The following SLC35E1 variants were observed in gnomAD, a reference collection of about 807,000 sequenced individuals.
SLC35E1 encodes solute carrier family 35 member E1, also known as solute carrier family 35, member E1.
Under a neutral mutation model 31.0 loss-of-function variants are expected in SLC35E1, and 12 were observed. The ratio of observed to expected loss-of-function variants is 0.39; its 90% CI spans 0.25 to 0.63. The LOEUF is 0.63. SLC35E1 is among the 20% of genes least tolerant of loss of function. SLC35E1 has a pLI of 0.52. For synonymous variants in SLC35E1, 257 were observed against 264.1 expected (o/e 0.97, Z 0.26); for missense variants, 429 against 572.2 (o/e 0.75, Z 2.55).
chr19:16,560,867 C>CAAAAACAAAAAACCAAAAAAAAAA (rs1568272912), intron 4 of SLC35E1, among the ~76,000 whole-genome samples: 26 of 67,572 alleles, frequency 3.8e-4, no homozygotes, highest in Admixed American at 1.7e-3. Context: ...ATCTCAAAAA[C>CAAAAACAAAAAACCAAAAAAAAAA]AAAAAAAAAA....
At chr19:16,560,458 G>A (rs1055674835) in intron 4 of SLC35E1, among the ~76,000 whole-genome samples, 1 of 152,158 alleles carries the variant, frequency 6.6e-6, no homozygotes, top group African/African-American at 2.4e-5. Flanking sequence ...AGGAAGAGTC[G>A]CCCTTCTCAG....
In SLC35E1 at chr19:16,559,265, G is replaced by A. The variant is rs542134042; in HGVS notation, c.757-3868C>T. Among the ~76,000 whole-genome samples the A allele has an allele frequency of 5.3e-5, 8 of 151,870 alleles. 1 individual carries two copies. Among genetic ancestry groups the A allele is most frequent in the African/African-American group, 1.7e-4 (7 of 41,420 alleles). Reference sequence around the variant, plus strand: ...TGGGAGGCAGAGGTTGCAGTGAGCCGAGATCCCGCCACTGCACTCCAGCCT... The same window carrying A: ...TGGGAGGCAGAGGTTGCAGTGAGCCAAGATCCCGCCACTGCACTCCAGCCT... On this transcript the variant is annotated intron_variant, in intron 4 of 5. Transcript: ENST00000595753.
rs925775425 is a variant in SLC35E1, at chr19:16,550,264, G to A, written c.*3415C>T. On this transcript the variant is annotated 3_prime_UTR_variant, in exon 6 of 6. Coordinates refer to ENST00000595753, the MANE Select transcript of SLC35E1 (RefSeq NM_024881.5). ...CTCCTTCTATAAAATGAAGGAGCTGGGTTGGAGTCAGTATTACCAGCCAGA... is the reference window on the plus strand; with the variant it reads ...CTCCTTCTATAAAATGAAGGAGCTGAGTTGGAGTCAGTATTACCAGCCAGA... 6.6e-6 allele frequency: 1 copy of A among 152,224 alleles called. No individual in the cohort carries two copies. Among genetic ancestry groups the A allele is most frequent in the Admixed American group, 6.5e-5 (1 of 15,268 alleles). The allele number at this position is 152,224 out of a possible 1,614,324, so 9.4% of individuals were successfully genotyped here.
At chr19:16,560,880 C>CAAAAAAAAAAAAAAAAAAAAA (rs1491054404) in intron 4 of SLC35E1, among the ~76,000 whole-genome samples, 1 of 95,070 alleles carries the variant, frequency 1.1e-5, no homozygotes, top group Non-Finnish European at 2.3e-5. Flanking sequence ...AAAAAAAAAA[C>CAAAAAAAAAAAAAAAAAAAAA]CAAAAAAAAA....
chr19:16,554,257 C>T (rs1336224915), intron 5 of SLC35E1, among the ~76,000 whole-genome samples: 2 of 135,488 alleles, frequency 1.5e-5, no homozygotes, highest in East Asian at 2.1e-4. Flanking sequence ...CAGAGCAAGA[C>T]GCTGTCTCAG....
At chr19:16,571,914 G>A (rs1370716020) in intron 1 of SLC35E1, 30 bp downstream of exon 1, 3 of 1,524,280 alleles carry the variant, frequency 2.0e-6, no homozygotes, top group Admixed American at 2.2e-5. Flanking sequence ...GGGCCCGGCC[G>A]CCGCCCCCGA....
At position 16,551,210 on chromosome 19, in the gene SLC35E1, T is replaced by C. The variant is rs1599760595; in HGVS notation, c.*2469A>G. The C allele has an allele frequency of 6.6e-6, 1 of 152,098 alleles. No homozygotes were observed. Among genetic ancestry groups the C allele is most frequent in the African/African-American group, 2.4e-5 (1 of 41,406 alleles). The allele number at this position is 152,098 out of a possible 1,614,324, so 9.4% of individuals were successfully genotyped here. A position where few individuals can be genotyped will look rare whatever the true frequency, so the allele number is the denominator to read the frequency against. On this transcript the variant is annotated 3_prime_UTR_variant, in exon 6 of 6. Transcript: ENST00000595753. Reference sequence around the variant, plus strand: ...ACAAATAACACCCTTTGGGATTGACTCTTCACGTTTTACACAGCAATTGTC... The same window carrying C: ...ACAAATAACACCCTTTGGGATTGACCCTTCACGTTTTACACAGCAATTGTC...
At chr19:16,565,879 C>A (rs2085929973) in intron 4 of SLC35E1, 1 of 131,358 alleles carries the variant, frequency 7.6e-6, no homozygotes, top group Non-Finnish European at 1.5e-5. Context: ...GCTGGCAAGG[C>A]ACAGTGGCTC....
chr19:16,566,478 C>A (rs1559201), intron 4 of SLC35E1, 54 bp downstream of exon 4: 157,583 of 1,606,242 alleles, frequency 0.098, 10,208 homozygotes, highest in African/African-American at 0.33. Context: ...CAACAAAGCA[C>A]CTATTCTGGA....
chr19:16,565,411 T>A (rs1374214842), intron 4 of SLC35E1: 1 of 288,654 alleles, frequency 3.5e-6, no homozygotes, highest in Non-Finnish European at 6.9e-6. Context: ...GATTTCACCA[T>A]ATTGGTCAGG....
chr19:16,560,894 A>AAAAAAAAAACCAAAAGAAAAAAAC (rs1282867880), intron 4 of SLC35E1, among the ~76,000 whole-genome samples: 1,487 of 143,430 alleles, frequency 0.01, 40 homozygotes, highest in Admixed American at 0.031. Flanking sequence ...AAAAAAAAAA[A>AAAAAAAAAACCAAAAGAAAAAAAC]AAAAAAGAGA....
Position 16,572,230 on chromosome 19 carries a change from G to T in SLC35E1, c.135C>A (p.Asn45Lys). The T allele has an allele frequency of 6.6e-7, 1 of 1,525,032 alleles. No individual in the cohort carries two copies. The highest frequency in any genetic ancestry group is 8.8e-7 in the Non-Finnish European group (1 of 1,135,400). The allele number at this position is 1,525,032 out of a possible 1,614,324, so 94.5% of individuals were successfully genotyped here. ...CGCTCAGGATCACCTTGTTGACCAC[G>T]TTGCCGCCCGCGCTCAGCGCGTACC... ...LLWYALSAGG[N>K]VVNKVILSAF... Residue 45 changes from asparagine (N) to lysine (K), a missense_variant, in exon 1 of 6, where the codon AAC (asparagine) becomes AAA (lysine). Asn to Lys is a moderately conservative substitution (Grantham distance 94). Transcript: ENST00000595753. The surrounding 1 kb of genome is among the most constrained non-coding windows in gnomAD (Gnocchi z 4.1).
Position 16,571,850 on chromosome 19 carries a change from C to A in SLC35E1, c.421+94G>T, listed in dbSNP as rs190463095. 7.5e-4 allele frequency: 990 copies of A among 1,327,590 alleles called. 9 individuals are homozygous for A. The African/African-American group carries it at 0.014, about 18-fold the overall frequency. 82.2% of individuals were successfully genotyped at this position (1,327,590 alleles called of 1,614,324 possible). On this transcript the variant is annotated intron_variant, in intron 1 of 5. Transcript: ENST00000595753. ...CCCCTCTGCTGACTTCTCAGTCCGG[C>A]GGGACGCGCCCCGGGCGGCGCACTC...
In SLC35E1 at chr19:16,572,197, C is replaced by G; in HGVS notation, c.168G>C (p.Pro56=). The part of the protein sequence containing the change: ...VVNKVILSAF[P]FPVTVSLCHI... ...GGCACAGCGACACGGTCACCGGGAA[C>G]GGGAAGGCGCTCAGGATCACCTTGT... Residue 56 remains proline (P), a synonymous_variant, in exon 1 of 6, where the codon CCG becomes CCC. Coordinates refer to ENST00000595753, the MANE Select transcript of SLC35E1 (RefSeq NM_024881.5). This position sits in a 1 kb window ranked among gnomAD's most constrained non-coding sequence, Gnocchi z 4.1. 3 of 1,531,738 alleles carry G rather than the reference C, an allele frequency of 2.0e-6. No individual in the cohort carries two copies. The highest frequency in any genetic ancestry group is 2.6e-6 in the Non-Finnish European group (3 of 1,138,508). 94.9% of individuals were successfully genotyped at this position (1,531,738 alleles called of 1,614,324 possible). A position where few individuals can be genotyped will look rare whatever the true frequency, so the allele number is the denominator to read the frequency against.
intron 2 of SLC35E1, 71 bp from the exon 3 acceptor site, chr19:16,568,240 G>A: frequency 1.3e-6 from 2 of 1,505,274 alleles, no homozygotes; most frequent in South Asian, 1.3e-5. Context: ...CAGATGCCCA[G>A]GGAAGAGCCC....
At chr19:16,560,881 C>CAAAAAAAAAAAAAAAAAAAAAGA (rs1304202019) in intron 4 of SLC35E1, among the ~76,000 whole-genome samples, 1 of 68,050 alleles carries the variant, frequency 1.5e-5, no homozygotes, top group Non-Finnish European at 2.9e-5. Flanking sequence ...AAAAAAAAAC[C>CAAAAAAAAAAAAAAAAAAAAAGA]AAAAAAAAAA....
At chr19:16,569,544 C>T (rs1011365770) in intron 2 of SLC35E1, among the ~76,000 whole-genome samples, 2 of 152,200 alleles carry the variant, frequency 1.3e-5, no homozygotes, top group African/African-American at 2.4e-5. Flanking sequence ...TCCATTCCCG[C>T]GTGTCCAGCT....
intron 4 of SLC35E1, among the ~76,000 whole-genome samples, chr19:16,561,642 C>T (rs1336806000): frequency 6.6e-6 from 1 of 152,216 alleles, no homozygotes. Context: ...CCACTGCAGC[C>T]TTTGATTCTT....
intron 4 of SLC35E1, among the ~76,000 whole-genome samples, chr19:16,562,578 A>T (rs2085912352): frequency 6.6e-6 from 1 of 152,130 alleles, no homozygotes; most frequent in South Asian, 2.1e-4. Context: ...TATACAAATA[A>T]TTGTTATACT....
Sources: allele counts gnomAD v4.1 joint callset (sites outside exome capture counted in the v4.1 genomes callset), GRCh38; gene constraint gnomAD v4.1.1; non-coding constraint Gnocchi (gnomAD v3.1); transcripts MANE v1.5; gene names NCBI Gene and HGNC (gene_info 2026-07-23, HGNC 2026-07-21).